The following ASIC2 variants were observed in gnomAD, a reference collection of about 807,000 sequenced individuals.
ASIC2 encodes the protein acid sensing ion channel subunit 2, also known as acid-sensing ion channel 2.
A neutral mutation model predicts 57.3 loss-of-function variants in ASIC2; 25 were observed. The observed-to-expected ratio is 0.44, with a 90% confidence interval of 0.32 to 0.61. ASIC2 has a LOEUF of 0.61. Among genes scored for constraint, ASIC2 ranks in the 20% least tolerant of loss-of-function variants. The pLI is 0.06. For synonymous variants in ASIC2, 319 were observed against 307.5 expected (o/e 1.04, Z -0.39); for missense variants, 641 against 738.1 (o/e 0.87, Z 1.52).
chr17:33,922,803 T>C (rs1915734505), intron 1 of ASIC2, among the ~76,000 whole-genome samples: 1 of 152,178 alleles, frequency 6.6e-6, no homozygotes, highest in African/African-American at 2.4e-5. Flanking sequence ...ACACATGTTC[T>C]CAACCTTGAT....
At chr17:33,981,097 G>C (rs1180955904) in intron 1 of ASIC2, among the ~76,000 whole-genome samples, 2 of 151,804 alleles carry the variant, frequency 1.3e-5, no homozygotes, top group African/African-American at 4.8e-5. Flanking sequence ...AATCTCGCCT[G>C]GCTAATTTTT....
chr17:33,118,765 T>TC (rs1237456102), intron 1 of ASIC2, among the ~76,000 whole-genome samples: 2 of 152,280 alleles, frequency 1.3e-5, no homozygotes. Context: ...GACCTGGGCT[T>TC]CATGTCTTGA....
intron 1 of ASIC2, among the ~76,000 whole-genome samples, chr17:33,562,233 T>C (rs1320649747): frequency 1.3e-5 from 2 of 151,510 alleles, no homozygotes; most frequent in Non-Finnish European, 2.9e-5. Context: ...TTTTTTTTTT[T>C]CTAAATGGCT....
rs1000884544 is a variant in ASIC2, at chr17:33,889,407, A to C, written c.555+266571T>G. ...GTTCTTTATATTAAATTTACTTTTG[A>C]TAAGGAGTACCTGCAATCTCAGAGG... On this transcript the variant is annotated intron_variant, in intron 1 of 9. Coordinates refer to the ASIC2 transcript ENST00000359872. Among the ~76,000 whole-genome samples the C allele has an allele frequency of 2.9e-4, 44 of 152,196 alleles. 1 individual carries two copies. Among genetic ancestry groups the C allele is most frequent in the African/African-American group, 8.7e-4 (36 of 41,450 alleles).
intron 1 of ASIC2, among the ~76,000 whole-genome samples, chr17:33,940,570 T>C (rs909234911): frequency 6.6e-6 from 1 of 152,016 alleles, no homozygotes; most frequent in African/African-American, 2.4e-5. Flanking sequence ...CTTCCTTCCT[T>C]ACACATTAAA....
chr17:33,589,398 A>G (rs1904754660), intron 1 of ASIC2, among the ~76,000 whole-genome samples: 1 of 152,166 alleles, frequency 6.6e-6, no homozygotes, highest in Non-Finnish European at 1.5e-5. Context: ...AACCATTCTT[A>G]TGTGTATCAT....
intron 1 of ASIC2, among the ~76,000 whole-genome samples, chr17:33,773,985 C>T (rs1204232303): frequency 6.6e-6 from 1 of 152,012 alleles, no homozygotes; most frequent in Non-Finnish European, 1.5e-5. Context: ...TTAGTCTTCT[C>T]GACCTTCCTG....
intron 3 of ASIC2, among the ~76,000 whole-genome samples, chr17:33,036,284 A>G (rs1354030855): frequency 6.6e-6 from 1 of 152,096 alleles, no homozygotes; most frequent in East Asian, 1.9e-4. Flanking sequence ...AAGATCACAT[A>G]GTGATCTTGT....
intron 1 of ASIC2, among the ~76,000 whole-genome samples, chr17:33,676,945 T>C (rs1347598392): frequency 6.6e-6 from 1 of 152,198 alleles, no homozygotes; most frequent in Non-Finnish European, 1.5e-5. Context: ...TCCTGAGATC[T>C]GGTTAAGTTT....
At chr17:34,074,295 T>G (rs1025141194) in intron 1 of ASIC2, among the ~76,000 whole-genome samples, 6 of 152,170 alleles carry the variant, frequency 3.9e-5, no homozygotes, top group Non-Finnish European at 8.8e-5. Context: ...ACTGAACTAA[T>G]GAACATTGCA....
chr17:33,817,644 T>G (rs897978414), intron 1 of ASIC2, among the ~76,000 whole-genome samples: 7 of 152,352 alleles, frequency 4.6e-5, no homozygotes, highest in Admixed American at 4.6e-4. Flanking sequence ...AAATGGTTGC[T>G]ACGGCTGTTT....
At chr17:33,604,951 A>G (rs1054339221) in intron 1 of ASIC2, among the ~76,000 whole-genome samples, 7 of 152,076 alleles carry the variant, frequency 4.6e-5, no homozygotes, top group African/African-American at 1.7e-4. Context: ...CCTTCATCTC[A>G]TATCTCCTGG....
intron 8 of ASIC2, among the ~76,000 whole-genome samples, 200 bp downstream of exon 8, chr17:33,017,405 A>T (rs2091812274): frequency 6.6e-6 from 1 of 151,898 alleles, no homozygotes; most frequent in Non-Finnish European, 1.5e-5. Flanking sequence ...TTTCTCTTAC[A>T]TCCACCGCCC....
chr17:33,189,288 C>T (rs999298774), intron 1 of ASIC2, among the ~76,000 whole-genome samples: 2 of 152,038 alleles, frequency 1.3e-5, no homozygotes, highest in Non-Finnish European at 2.9e-5. Context: ...AAACCCTGTT[C>T]TACAGCAACC....
At chr17:33,422,442 T>C (rs535481079) in intron 1 of ASIC2, among the ~76,000 whole-genome samples, 1 of 152,284 alleles carries the variant, frequency 6.6e-6, no homozygotes, top group African/African-American at 2.4e-5. Context: ...GCCAAGTTCC[T>C]CAAACCGTTT....
intron 1 of ASIC2, among the ~76,000 whole-genome samples, chr17:33,507,495 C>T (rs920800499): frequency 3.3e-5 from 5 of 152,204 alleles, no homozygotes; most frequent in Admixed American, 6.5e-5. Context: ...GATCAGCAAA[C>T]GATTTCTGTA....
intron 1 of ASIC2, among the ~76,000 whole-genome samples, chr17:33,207,144 T>A (rs1907092145): frequency 6.6e-6 from 1 of 152,230 alleles, no homozygotes; most frequent in Non-Finnish European, 1.5e-5. Context: ...GGAGAAGGGC[T>A]TATAAAGGAG....
intron 1 of ASIC2, among the ~76,000 whole-genome samples, chr17:33,360,647 C>T (rs1013555052): frequency 6.6e-5 from 10 of 152,182 alleles, no homozygotes; most frequent in Non-Finnish European, 1.0e-4. Flanking sequence ...TTTTCTTAAA[C>T]GGAACTTTTA....
At chr17:33,311,832 C>T (rs545727949) in intron 1 of ASIC2, among the ~76,000 whole-genome samples, 6 of 152,144 alleles carry the variant, frequency 3.9e-5, no homozygotes, top group African/African-American at 1.4e-4. Context: ...CATCTATTTC[C>T]CTGGTTTCGA....
Sources: allele counts gnomAD v4.1 joint callset (sites outside exome capture counted in the v4.1 genomes callset), GRCh38; gene constraint gnomAD v4.1.1; transcripts MANE v1.5; gene names NCBI Gene and HGNC (gene_info 2026-07-23, HGNC 2026-07-21).